Variants in TENM1 observed in about 807,000 individuals in gnomAD.
TENM1 encodes teneurin transmembrane protein 1.
Under a neutral mutation model 174.8 loss-of-function variants are expected in TENM1, and 35 were observed. That is an observed-to-expected ratio of 0.20 (90% CI 0.15 to 0.27). The LOEUF (loss-of-function observed/expected upper bound fraction) is 0.27, where lower values mean the gene tolerates loss of function less well. Among genes scored for constraint, TENM1 ranks in the 10% least tolerant of loss-of-function variants. TENM1 has a pLI of 1.00. For missense variants in TENM1, 1,633 were observed against 2,130.1 expected (o/e 0.77, Z 4.59); for synonymous variants, 781 against 798.7 (o/e 0.98, Z 0.37).
intron 11 of TENM1, among the ~76,000 whole-genome samples, chrX:124,573,809 T>C (rs754682765): frequency 1.8e-5 from 2 of 112,459 alleles, no homozygotes; most frequent in Admixed American, 9.4e-5. Flanking sequence ...ATAGAGTTTC[T>C]GGACTGATTC....
At chrX:124,783,449 T>G in intron 3 of TENM1, among the ~76,000 whole-genome samples, 1 of 112,098 alleles carries the variant, frequency 8.9e-6, no homozygotes, top group Admixed American at 9.5e-5. Flanking sequence ...ACATACTCGT[T>G]ATTTTTATGA....
At chrX:124,582,923 G>A (rs753883447) in intron 11 of TENM1, among the ~76,000 whole-genome samples, 10 of 112,355 alleles carry the variant, frequency 8.9e-5, no homozygotes, top group African/African-American at 2.9e-4. Context: ...ACGGAGTCTC[G>A]CTGATTGCTA....
intron 22 of TENM1, among the ~76,000 whole-genome samples, chrX:124,463,840 T>G (rs1197983568): frequency 1.3e-5 from 1 of 76,862 alleles, no homozygotes; most frequent in East Asian, 3.2e-4. Context: ...GGTTGGGGTG[T>G]GTGTGTGTGT....
chrX:124,553,685 T>C (rs1050034321), intron 14 of TENM1, among the ~76,000 whole-genome samples: 1 of 108,684 alleles, frequency 9.2e-6, no homozygotes, highest in African/African-American at 3.4e-5. Flanking sequence ...TATCATAATA[T>C]GTATTTTTAA....
chrX:124,647,974 T>C, intron 8 of TENM1, among the ~76,000 whole-genome samples: 1 of 111,846 alleles, frequency 8.9e-6, no homozygotes, highest in Non-Finnish European at 1.9e-5. Context: ...GGTCCTGATA[T>C]CTTCCACTGA....
At chrX:124,731,376 T>C (rs945650722) in intron 4 of TENM1, among the ~76,000 whole-genome samples, 1 of 111,357 alleles carries the variant, frequency 9.0e-6, no homozygotes, top group African/African-American at 3.3e-5. Context: ...GAAGCTAAAA[T>C]AGGCAAAGCA....
At chrX:125,147,393 C>T in the TENM1 span, among the ~76,000 whole-genome samples, 3 of 110,944 alleles carry the variant, frequency 2.7e-5, no homozygotes, top group Non-Finnish European at 3.8e-5. Context: ...TATAAGCTGT[C>T]GCAGCTCTAA....
At chrX:124,983,604 G>T in the TENM1 span, among the ~76,000 whole-genome samples, 1 of 110,566 alleles carries the variant, frequency 9.0e-6, no homozygotes, top group East Asian at 2.8e-4. Context: ...TATGCAAGAA[G>T]TGATATGAAG....
intron 3 of TENM1, among the ~76,000 whole-genome samples, chrX:124,805,802 C>G (rs2055581133): frequency 8.9e-6 from 1 of 112,594 alleles, no homozygotes; most frequent in South Asian, 3.6e-4. Flanking sequence ...GCTGGAGTCT[C>G]CGGAAGGGCT....
At chrX:124,398,898 G>T (rs949419674) in intron 27 of TENM1, among the ~76,000 whole-genome samples, 5 of 111,984 alleles carry the variant, frequency 4.5e-5, no homozygotes, top group Non-Finnish European at 9.4e-5. Context: ...CATAGTGATA[G>T]ATTTCTAGAA....
intron 3 of TENM1, among the ~76,000 whole-genome samples, chrX:124,848,039 A>G (rs895257855): frequency 2.7e-5 from 3 of 110,901 alleles, no homozygotes; most frequent in African/African-American, 9.8e-5. Context: ...GGTGCTTTGG[A>G]AATGGCTTTG....
At chrX:125,200,085 G>C in the TENM1 span, among the ~76,000 whole-genome samples, 3 of 111,600 alleles carry the variant, frequency 2.7e-5, no homozygotes, top group African/African-American at 9.8e-5. Flanking sequence ...GCCTTTTATA[G>C]CATTCACCTG....
chrX:124,418,507 T>C (rs1307474288), intron 25 of TENM1, among the ~76,000 whole-genome samples: 1 of 111,771 alleles, frequency 8.9e-6, no homozygotes, highest in Non-Finnish European at 1.9e-5. Flanking sequence ...CTTACTTTAC[T>C]AGATTTTTCT....
chrX:124,778,463 A>G (rs1365402257), intron 3 of TENM1, among the ~76,000 whole-genome samples: 1 of 112,474 alleles, frequency 8.9e-6, no homozygotes, highest in Non-Finnish European at 1.9e-5. Flanking sequence ...TCTGGGTTTT[A>G]GCTGAACTAA....
intron 11 of TENM1, among the ~76,000 whole-genome samples, chrX:124,631,250 T>C (rs922470680): frequency 2.7e-5 from 3 of 111,843 alleles, no homozygotes; most frequent in African/African-American, 9.7e-5. Flanking sequence ...TGAGGCATAT[T>C]TTTTTTAAAA....
the TENM1 span, among the ~76,000 whole-genome samples, chrX:125,196,940 TGGGGCATA>T: frequency 1.8e-5 from 2 of 111,343 alleles, no homozygotes; most frequent in Non-Finnish European, 3.8e-5. Context: ...TGTATGCAGC[TGGGGCATA>T]GGGATTGCAA....
chrX:124,860,633 T>C (rs779969476), intron 3 of TENM1, among the ~76,000 whole-genome samples: 2 of 111,993 alleles, frequency 1.8e-5, no homozygotes, highest in South Asian at 7.5e-4. Context: ...TTATTTACAC[T>C]AATTCAATCT....
chrX:124,751,228 C>A (rs920161845), intron 3 of TENM1, among the ~76,000 whole-genome samples: 3 of 111,626 alleles, frequency 2.7e-5, no homozygotes, highest in Non-Finnish European at 3.8e-5. Flanking sequence ...AAAAAAAATT[C>A]TTATTTAATA....
At chrX:124,866,581 AACCATGC>A (rs2057011900) in intron 3 of TENM1, among the ~76,000 whole-genome samples, 1 of 111,488 alleles carries the variant, frequency 9.0e-6, no homozygotes, top group Admixed American at 9.5e-5. Flanking sequence ...TTAACAATCT[AACCATGC>A]ATTTTAAGGA....
Sources: gnomAD v4.1 joint callset for allele counts (sites outside exome capture counted in the v4.1 genomes callset) on GRCh38, gnomAD v4.1.1 for gene constraint, MANE v1.5 for transcripts, NCBI Gene and HGNC (gene_info 2026-07-23, HGNC 2026-07-21) for gene names.